NT5DC4: variants seen among roughly 807,000 people sequenced by gnomAD.
NT5DC4 encodes the protein 5'-nucleotidase domain-containing protein 4.
A neutral mutation model predicts 26.6 loss-of-function variants in NT5DC4; 44 were observed. That is an observed-to-expected ratio of 1.65 (90% CI 1.30 to 2.13). The LOEUF is 2.13. Ranked by LOEUF, NT5DC4 falls within the 30% of genes most tolerant of loss-of-function variation. NT5DC4 has a pLI of 0.00. For synonymous variants in NT5DC4, 157 were observed against 86.7 expected, an observed-to-expected ratio of 1.81 and a Z score of -4.51; for missense variants, 399 against 228.1, an observed-to-expected ratio of 1.75 and a Z score of -4.83.
chr2:112,739,246 A>G (rs1317785237), downstream of NT5DC4, among the ~76,000 whole-genome samples: 1 of 152,156 alleles, frequency 6.6e-6, no homozygotes, highest in Non-Finnish European at 1.5e-5. Flanking sequence ...ATAGCAACAC[A>G]CTATCTTTAC....
chr2:112,738,732 T>C, intron 16 of NT5DC4, 181 bp from the exon 17 acceptor site: 1 of 812,480 alleles, frequency 1.2e-6, no homozygotes, highest in Admixed American at 2.3e-5. Context: ...GCATCCATGA[T>C]GCCTCTCTTT....
Position 112,723,434 on chromosome 2 carries a change from C to G in NT5DC4, c.638C>G (p.Thr213Ser). 1.4e-6 allele frequency: 1 copy of G among 716,868 alleles called. No individual in the cohort carries two copies. Among genetic ancestry groups the G allele is most frequent in the Non-Finnish European group, 2.6e-6 (1 of 385,016 alleles). 44.4% of individuals were successfully genotyped at this position (716,868 alleles called of 1,614,324 possible). A position where few individuals can be genotyped will look rare whatever the true frequency, so the allele number is the denominator to read the frequency against. The change falls in exon 8 of 17, where the codon ACC becomes AGC. Residue 213 changes from threonine to serine, a missense_variant. Physicochemically the swap from Thr to Ser is moderately conservative, Grantham distance 58. Coordinates refer to ENST00000688554, the MANE Select transcript of NT5DC4 (RefSeq NM_001393655.1). ...CTCCTGCAGGGCTGTCTCAAGAAGA[C>G]CCTGGAGGACTTGGAGAAATATGTG... Reference protein sequence around the residue: ...NIHQSGCLKKTLEDLEKYVKK... With the variant: ...NIHQSGCLKKSLEDLEKYVKK...
At chr2:112,727,799 A>G (rs116637951) in intron 15 of NT5DC4, among the ~76,000 whole-genome samples, 1,719 of 123,814 alleles carry the variant, frequency 0.014, 38 homozygotes, top group African/African-American at 0.04. Context: ...CTCTGGCCAG[A>G]GGGTCACCCA....
At chr2:112,735,805 T>TA (rs1249441721) in intron 16 of NT5DC4, among the ~76,000 whole-genome samples, 1 of 152,220 alleles carries the variant, frequency 6.6e-6, no homozygotes, top group African/African-American at 2.4e-5. Context: ...TGCAAGACTC[T>TA]ATAGTCTGAC....
chr2:112,729,607 A>G lies in NT5DC4; in HGVS notation c.1267-20A>G, dbSNP rs943143284. The G allele has an allele frequency of 6.8e-5, 49 of 717,686 alleles. No individual in the cohort carries two copies. In the African/African-American group the frequency reaches 7.2e-4, roughly 10 times the overall value. The allele number at this position is 717,686 out of a possible 1,614,324, so 44.5% of individuals were successfully genotyped here. ...ACCCGGGACGGAGTGCTTCACCTCC[A>G]CCTGCATTTATCCCTACAGATGCCA... On this transcript the variant is annotated intron_variant, in intron 15 of 16. Coordinates refer to ENST00000688554, the MANE Select transcript of NT5DC4 (RefSeq NM_001393655.1).
intron 15 of NT5DC4, among the ~76,000 whole-genome samples, chr2:112,728,699 G>A (rs1194186185): frequency 1.3e-5 from 2 of 152,196 alleles, no homozygotes; most frequent in African/African-American, 4.8e-5. Flanking sequence ...ACTGGGCTGG[G>A]TGCTTTTCAT....
upstream of NT5DC4, among the ~76,000 whole-genome samples, chr2:112,719,978 CTTTCTTTCTTTT>C (rs1558715636): frequency 1.2e-5 from 1 of 81,764 alleles, no homozygotes; most frequent in Non-Finnish European, 2.4e-5. Context: ...TTCTTTCTTT[CTTTCTTTCTTTT>C]TCTTTTCTTT....
At chr2:112,734,169 A>ATGTGTGTGTG (rs59851361) in intron 16 of NT5DC4, among the ~76,000 whole-genome samples, 1,778 of 134,820 alleles carry the variant, frequency 0.013, 26 homozygotes, top group African/African-American at 0.029. Context: ...TATTATATAT[A>ATGTGTGTGTG]TGTGTGTGTG....
At chr2:112,734,161 T>TTATA (rs80003389) in intron 16 of NT5DC4, among the ~76,000 whole-genome samples, 1,747 of 141,308 alleles carry the variant, frequency 0.012, 40 homozygotes, top group African/African-American at 0.044. Context: ...TTCTATGCTA[T>TTATA]TATATATATG....
chr2:112,741,006 C>A, downstream of NT5DC4: 1 of 1,601,742 alleles, frequency 6.2e-7, no homozygotes, highest in Non-Finnish European at 8.5e-7. Flanking sequence ...CAGAAGTAAT[C>A]CCTGTGTATG....
intron 16 of NT5DC4, among the ~76,000 whole-genome samples, chr2:112,736,428 G>A (rs149684281): frequency 3.9e-5 from 6 of 151,946 alleles, no homozygotes; most frequent in African/African-American, 1.5e-4. Context: ...ATAATAAAAT[G>A]GCTGCTATAG....
intron 16 of NT5DC4, chr2:112,738,198 T>C (rs2104833001): frequency 6.6e-6 from 1 of 152,330 alleles, no homozygotes; most frequent in African/African-American, 2.4e-5. Context: ...ATATAAAAGC[T>C]AGACGACCAT....
chr2:112,727,126 C>A, intron 15 of NT5DC4: 1 of 231,918 alleles, frequency 4.3e-6, no homozygotes. Context: ...AGACAGTGTT[C>A]CCTTGTGGCA....
At chr2:112,735,201 G>C (rs1270909312) in intron 16 of NT5DC4, among the ~76,000 whole-genome samples, 1 of 151,304 alleles carries the variant, frequency 6.6e-6, no homozygotes, top group Non-Finnish European at 1.5e-5. Context: ...GTACCCCCAC[G>C]CCTGGATAAC....
downstream of NT5DC4, chr2:112,742,720 T>C: frequency 6.2e-7 from 1 of 1,603,918 alleles, no homozygotes; most frequent in Non-Finnish European, 8.5e-7. Flanking sequence ...TGTGGTTCTG[T>C]TTGAGTCTTG....
chr2:112,740,887 G>A (rs537202818), downstream of NT5DC4: 2 of 1,613,942 alleles, frequency 1.2e-6, no homozygotes, highest in East Asian at 2.2e-5. Flanking sequence ...TATTCGGGGT[G>A]TCGCCGTGAC....
downstream of NT5DC4, among the ~76,000 whole-genome samples, chr2:112,741,700 T>C (rs1679977051): frequency 6.6e-6 from 1 of 152,218 alleles, no homozygotes; most frequent in African/African-American, 2.4e-5. Context: ...ATCTATTTTA[T>C]GTCCTTCTTA....
Position 112,726,769 on chromosome 2 carries a change from G to T in NT5DC4, c.1266+31G>T, listed in dbSNP as rs989379019. 66 of 717,240 alleles carry T rather than the reference G, an allele frequency of 9.2e-5. 1 individual carries two copies. The highest frequency in any genetic ancestry group is 8.6e-4 in the African/African-American group (49 of 57,258). 44.4% of individuals were successfully genotyped at this position (717,240 alleles called of 1,614,324 possible). ...AGCTGGGTGGCGAGGGAAGGGACAG[G>T]CCCAGCAGGGGCGGAGCCGGGTTCA... is the stretch of plus-strand genomic sequence containing the variant. On this transcript the variant is annotated intron_variant, in intron 15 of 16. Transcript: ENST00000688554.
chr2:112,720,487 T>C (rs993748521), upstream of NT5DC4, among the ~76,000 whole-genome samples: 3 of 151,972 alleles, frequency 2.0e-5, no homozygotes. Context: ...CCTCAGGGAG[T>C]ATTTAGAACT....
Sources: allele counts gnomAD v4.1 joint callset (sites outside exome capture counted in the v4.1 genomes callset), GRCh38; gene constraint gnomAD v4.1.1; transcripts MANE v1.5; gene names NCBI Gene and HGNC (gene_info 2026-07-23, HGNC 2026-07-21).